Variants in ACOX1 observed in about 807,000 individuals in gnomAD.
The protein encoded by ACOX1 is peroxisomal acyl-coenzyme A oxidase 1.
A neutral mutation model predicts 75.5 loss-of-function variants in ACOX1; 41 were observed. The observed-to-expected ratio is 0.54, with a 90% CI of 0.42 to 0.70. The LOEUF is 0.70. ACOX1 is among the 30% of genes least tolerant of loss of function. The probability of loss-of-function intolerance (pLI) is 0.00; values close to 1 mark genes in which losing one functional copy is unlikely to be tolerated. For missense variants in ACOX1, 630 were observed against 837.5 expected, an observed-to-expected ratio of 0.75 and a Z score of 3.06; for synonymous variants, 303 against 298.8, an observed-to-expected ratio of 1.01 and a Z score of -0.15.
intron 2 of ACOX1, among the ~76,000 whole-genome samples, chr17:75,971,127 A>G (rs946188028): frequency 6.6e-6 from 1 of 152,084 alleles, no homozygotes; most frequent in African/African-American, 2.4e-5. Context: ...CCCCGTCTCT[A>G]CTGAAAATAC....
chr17:75,955,169 TC>T (rs1172795175), intron 6 of ACOX1, among the ~76,000 whole-genome samples: 1 of 147,192 alleles, frequency 6.8e-6, no homozygotes, highest in African/African-American at 2.6e-5. Context: ...GCGCCCAGCC[TC>T]CTTTTTTTTT....
At chr17:75,956,403 C>CGG in intron 4 of ACOX1, among the ~76,000 whole-genome samples, 1 of 151,908 alleles carries the variant, frequency 6.6e-6, no homozygotes, top group East Asian at 1.9e-4. Flanking sequence ...ATAAAAGTTT[C>CGG]GGGTCAGCCG....
intron 2 of ACOX1, among the ~76,000 whole-genome samples, chr17:75,972,549 G>A (rs1424305325): frequency 6.6e-6 from 1 of 151,422 alleles, no homozygotes; most frequent in East Asian, 1.9e-4. Flanking sequence ...GGGAGGCTCG[G>A]GCAGGAGAGT....
chr17:75,948,430 T>C lies in ACOX1; in HGVS notation c.1756A>G (p.Thr586Ala), dbSNP rs533088955. ...QGSIMTEPQI[T>A]QVNQRVKELL... is the part of the protein sequence containing the mutation. ...TCCTTTACACGCTGGTTTACTTGTG[T>C]AATCTGAGGCTCTGTCATGATGCTC... Residue 586 changes from threonine (T) to alanine (A), a missense_variant, in exon 13 of 14, where the codon ACA (threonine) becomes GCA (alanine). Physicochemically the swap from Thr to Ala is moderately conservative, Grantham distance 58. Coordinates refer to ENST00000293217, the MANE Select transcript of ACOX1 (RefSeq NM_004035.7). 155 of 1,614,212 alleles carry C rather than the reference T, an allele frequency of 9.6e-5. 2 individuals are homozygous for C. In the South Asian group the frequency reaches 1.6e-3, roughly 17 times the overall value.
At position 75,950,824 on chromosome 17, in the gene ACOX1, T is replaced by TG; in HGVS notation, c.1247dup (p.Ser417LysfsTer5). On this transcript the variant is annotated frameshift_variant, in exon 9 of 14. Transcript: ENST00000293217. LOFTEE classifies it high-confidence loss of function. The surrounding 1 kb of genome is among the most constrained non-coding windows in gnomAD (Gnocchi z 4.3). ...TGTTTTCTCCCTCAAAGGTACAGCT[T>TG]GGGGTGAAATTGACATAAATATTTG... The TG allele has an allele frequency of 6.2e-7, 1 of 1,614,066 alleles. No individual in the cohort carries two copies.
rs529482669 is a variant in ACOX1, at chr17:75,967,693, C to T, written c.270-7318G>A. ...ATACATATATATACGTATATATATACATACATATATATACATATATATATA... is the reference window on the plus strand; with the variant it reads ...ATACATATATATACGTATATATATATATACATATATATACATATATATATA... On this transcript the variant is annotated intron_variant, in intron 2 of 13. Transcript: ENST00000293217. 4.6e-5 allele frequency among the ~76,000 whole-genome samples: 5 copies of T among 108,286 alleles called. 1 individual carries two copies. Among genetic ancestry groups the T allele is most frequent in the East Asian group, 2.6e-4 (1 of 3,796 alleles). The allele number at this position is 108,286 out of a possible 152,430, so 71.0% of individuals were successfully genotyped here.
chr17:75,956,735 T>C (rs1300322499), intron 4 of ACOX1, among the ~76,000 whole-genome samples: 1 of 150,956 alleles, frequency 6.6e-6, no homozygotes, highest in African/African-American at 2.4e-5. Context: ...TTTTTTCTTT[T>C]TTTTTTTTAA....
intron 6 of ACOX1, among the ~76,000 whole-genome samples, chr17:75,954,754 T>G (rs904276873): frequency 6.6e-6 from 1 of 150,558 alleles, no homozygotes; most frequent in Non-Finnish European, 1.5e-5. Flanking sequence ...GTATTTTTAG[T>G]AGAGACAGGT....
In ACOX1 at chr17:75,955,552, CT is replaced by C; in HGVS notation, c.774+13del. The C allele has an allele frequency of 1.2e-6, 2 of 1,608,432 alleles. No homozygotes were observed. The highest frequency in any genetic ancestry group is 1.7e-6 in the Non-Finnish European group (2 of 1,174,824). On this transcript the variant is annotated intron_variant, in intron 6 of 13. Transcript: ENST00000293217. The stretch of plus-strand genomic sequence containing the variant: ...CTGTTTGATGCCTCTGCTTTATTTT[CT>C]ATCAAAACATACCTGGGCATACTTC...
rs137943022 is a variant in ACOX1, at chr17:75,970,681, G to C, written c.269+7853C>G. ...CAAACCCAAAGTTACAGCTACTTCT[G>C]TGAGACCGCGTTAGATAATCACTGT... is the stretch of plus-strand genomic sequence containing the variant. On this transcript the variant is annotated intron_variant, in intron 2 of 13. Coordinates refer to ENST00000293217, the MANE Select transcript of ACOX1 (RefSeq NM_004035.7). Among the ~76,000 whole-genome samples, 15 of 152,312 alleles carry C rather than the reference G, an allele frequency of 9.8e-5. No individual in the cohort carries two copies. In the East Asian group the frequency reaches 2.3e-3, roughly 23 times the overall value.
Position 75,948,332 on chromosome 17 carries a change from G to A in ACOX1, c.1854C>T (p.Gly618=), listed in dbSNP as rs2065740864. The change falls in exon 13 of 14, where the codon GGC becomes GGT. Residue 618 remains glycine, a synonymous_variant. Coordinates refer to ENST00000293217, the MANE Select transcript of ACOX1 (RefSeq NM_004035.7). ...TCCCATCATAGCGGCCAAGCACAGA[G>A]CCAAGTGTCACATCCTGAAAATCAA... ...DAFDFQDVTL[G]SVLGRYDGNV... is the part of the protein sequence containing the mutation. 5 of 1,614,128 alleles carry A rather than the reference G, an allele frequency of 3.1e-6. No homozygotes were observed. Among genetic ancestry groups the A allele is most frequent in the Non-Finnish European group, 4.2e-6 (5 of 1,180,036 alleles).
rs1165684322 is a variant in ACOX1, at chr17:75,978,466, G to A, written c.269+68C>T. On this transcript the variant is annotated intron_variant, in intron 2 of 13. Coordinates refer to ENST00000293217, the MANE Select transcript of ACOX1 (RefSeq NM_004035.7). The surrounding 1 kb of genome is among the most constrained non-coding windows in gnomAD (Gnocchi z 4.2). ...TCAAACACCAAGCACGGTGATGAAA[G>A]GCCACCATAGACCGCAGCTGTAAAG... 6.3e-7 allele frequency: 1 copy of A among 1,588,140 alleles called. No homozygotes were observed. The highest frequency in any genetic ancestry group is 1.3e-5 in the African/African-American group (1 of 74,362).
chr17:75,961,056 G>A (rs2065882702), intron 2 of ACOX1, among the ~76,000 whole-genome samples: 1 of 151,922 alleles, frequency 6.6e-6, no homozygotes, highest in Non-Finnish European at 1.5e-5. Context: ...ACTCTGAGAG[G>A]CCGAGGTGGG....
At chr17:75,956,003 G>T (rs968172855) in intron 4 of ACOX1, 56 bp from the exon 5 acceptor site, 1 of 1,610,474 alleles carries the variant, frequency 6.2e-7, no homozygotes, top group African/African-American at 1.3e-5. Flanking sequence ...CATTTTTAAA[G>T]GGTAGAAAAA....
chr17:75,954,840 G>A (rs1310119987), intron 6 of ACOX1, among the ~76,000 whole-genome samples: 1 of 151,552 alleles, frequency 6.6e-6, no homozygotes, highest in Non-Finnish European at 1.5e-5. Flanking sequence ...AAAGTGCTGG[G>A]ACTACAGGCA....
chr17:75,948,821 A>G (rs2065746323), intron 12 of ACOX1, among the ~76,000 whole-genome samples: 1 of 150,100 alleles, frequency 6.7e-6, no homozygotes, highest in African/African-American at 2.5e-5. Context: ...AAGTGTTGGG[A>G]TTACAGGCAT....
chr17:75,945,954 G>A lies in ACOX1; in HGVS notation c.*794C>T, dbSNP rs2065716399. On this transcript the variant is annotated 3_prime_UTR_variant, in exon 14 of 14. Transcript: ENST00000293217. ...CCAAGCTTTTAATGGCTTATGCCAA[G>A]ATGACAGAATATGTGAAATCTGATT... 6.6e-6 allele frequency: 1 copy of A among 152,058 alleles called. No homozygotes were observed. Among genetic ancestry groups the A allele is most frequent in the Non-Finnish European group, 1.5e-5 (1 of 68,018 alleles). The allele number at this position is 152,058 out of a possible 1,614,324, so 9.4% of individuals were successfully genotyped here. A position where few individuals can be genotyped will look rare whatever the true frequency, so the allele number is the denominator to read the frequency against.
At chr17:75,957,766 T>C (rs561382750) in intron 3 of ACOX1, among the ~76,000 whole-genome samples, 200 bp from the exon 4 acceptor site, 29 of 152,340 alleles carry the variant, frequency 1.9e-4, no homozygotes, top group African/African-American at 6.3e-4. Flanking sequence ...TCCTATTAAG[T>C]TGAAAATCTA....
At chr17:75,953,338 G>A (rs886544082) in intron 7 of ACOX1, 113 bp downstream of exon 7, 1 of 1,230,954 alleles carries the variant, frequency 8.1e-7, no homozygotes, top group Non-Finnish European at 1.2e-6. Context: ...TATCACCCTA[G>A]CCAATTTTGC....
Sources: allele counts gnomAD v4.1 joint callset (sites outside exome capture counted in the v4.1 genomes callset), GRCh38; gene constraint gnomAD v4.1.1; non-coding constraint Gnocchi (gnomAD v3.1); transcripts MANE v1.5; gene names NCBI Gene and HGNC (gene_info 2026-07-23, HGNC 2026-07-21).